Variants in BCR observed in about 807,000 individuals in gnomAD.
BCR encodes BCR activator of RhoGEF and GTPase, also known as breakpoint cluster region protein.
Under a neutral mutation model 138.6 loss-of-function variants are expected in BCR, and 58 were observed. The observed-to-expected ratio is 0.42, with a 90% confidence interval of 0.34 to 0.52. The LOEUF (loss-of-function observed/expected upper bound fraction) is 0.52. Ranked by LOEUF, BCR falls within the 20% of genes least tolerant of loss-of-function variation. BCR has a pLI of 0.06. For synonymous variants in BCR, 786 were observed against 730.1 expected, an observed-to-expected ratio of 1.08 and a Z score of -1.23; for missense variants, 1,599 against 1,727.2, an observed-to-expected ratio of 0.93 and a Z score of 1.32.
intron 1 of BCR, among the ~76,000 whole-genome samples, chr22:23,201,681 T>A (rs953733265): frequency 4.6e-5 from 7 of 152,166 alleles, no homozygotes; most frequent in African/African-American, 1.7e-4. Flanking sequence ...GGTCTCGATC[T>A]CCTGACCTTG....
chr22:23,272,274 T>C (rs938432817), intron 6 of BCR, among the ~76,000 whole-genome samples: 1 of 152,192 alleles, frequency 6.6e-6, no homozygotes, highest in Non-Finnish European at 1.5e-5. Context: ...TTTTCAGTTG[T>C]TAGGGTGTTG....
At chr22:23,279,679 A>G (rs966446811) in intron 8 of BCR, among the ~76,000 whole-genome samples, 1 of 152,198 alleles carries the variant, frequency 6.6e-6, no homozygotes, top group African/African-American at 2.4e-5. Flanking sequence ...TTCTTTGGCA[A>G]CTTTTCCTTG....
rs138836281 is a variant in BCR at position 23,276,111 on chromosome 22, T to G, written c.2115+2337T>G. On this transcript the variant is annotated intron_variant, in intron 8 of 22. Transcript: ENST00000305877. ...GGAGGAAGTGTAATTTAAGAAGGGC[T>G]GGGTGCGGCTGGGCGCGGTGGCTCA... Among the ~76,000 whole-genome samples the G allele has an allele frequency of 2.0e-3, 298 of 152,248 alleles. 3 individuals are homozygous for G. In the East Asian group the frequency reaches 0.026, roughly 13 times the overall value.
chr22:23,292,674 G>C (rs1055732751), intron 15 of BCR, 36 bp downstream of exon 15: 2 of 1,548,382 alleles, frequency 1.3e-6, no homozygotes, highest in Non-Finnish European at 1.8e-6. Context: ...CAGCCTGCCA[G>C]GTGGGGCACA....
At chr22:23,277,984 A>G (rs1300901836) in intron 8 of BCR, among the ~76,000 whole-genome samples, 1 of 152,232 alleles carries the variant, frequency 6.6e-6, no homozygotes, top group African/African-American at 2.4e-5. Flanking sequence ...CCAAAATGAC[A>G]GGATCAAAGG....
chr22:23,283,082 C>T (rs1009693775), intron 8 of BCR: 1 of 152,258 alleles, frequency 6.6e-6, no homozygotes, highest in African/African-American at 2.4e-5. Context: ...CTTGCTGCGA[C>T]AGCCTCTCCT....
intron 15 of BCR, among the ~76,000 whole-genome samples, 170 bp from the exon 16 acceptor site, chr22:23,294,854 G>A (rs1296494473): frequency 6.6e-6 from 1 of 152,202 alleles, no homozygotes; most frequent in Non-Finnish European, 1.5e-5. Context: ...TGCCAGGGGT[G>A]CTTACAAGGA....
intron 1 of BCR, among the ~76,000 whole-genome samples, chr22:23,208,891 A>G (rs2072648185): frequency 6.6e-6 from 1 of 152,000 alleles, no homozygotes; most frequent in African/African-American, 2.4e-5. Context: ...CTCATTAAAT[A>G]TAGGCTTTCC....
At chr22:23,251,679 A>G (rs1471726941) in intron 1 of BCR, among the ~76,000 whole-genome samples, 1 of 152,236 alleles carries the variant, frequency 6.6e-6, no homozygotes, top group Admixed American at 6.5e-5. Flanking sequence ...GTGTGGTGGC[A>G]GTTGTAAACT....
chr22:23,276,198 G>C (rs1439186067), intron 8 of BCR, among the ~76,000 whole-genome samples: 1 of 152,094 alleles, frequency 6.6e-6, no homozygotes, highest in African/African-American at 2.4e-5. Flanking sequence ...AGAAGTTTGA[G>C]ACCATCCTGG....
Position 23,289,688 on chromosome 22 carries a change from T to G in BCR, c.2707+67T>G, listed in dbSNP as rs1419436855. The G allele has an allele frequency of 5.2e-6, 7 of 1,356,062 alleles. No individual in the cohort carries two copies. In the South Asian group the frequency reaches 8.4e-5, roughly 16 times the overall value. The allele number at this position is 1,356,062 out of a possible 1,614,324, so 84.0% of individuals were successfully genotyped here. A position where few individuals can be genotyped will look rare whatever the true frequency, so the allele number is the denominator to read the frequency against. Reference sequence around the variant, plus strand: ...GGCAGGCAGCTAGCCTGAAGGCTGATCCCCCCTTCCTGTTAGCACTTTTGA... The same window carrying G: ...GGCAGGCAGCTAGCCTGAAGGCTGAGCCCCCCTTCCTGTTAGCACTTTTGA... On this transcript the variant is annotated intron_variant, in intron 13 of 22. Coordinates refer to ENST00000305877, the MANE Select transcript of BCR (RefSeq NM_004327.4).
chr22:23,198,419 G>T (rs922398377), intron 1 of BCR: 2 of 437,416 alleles, frequency 4.6e-6, no homozygotes, highest in Admixed American at 3.0e-5. Context: ...GGGAAGGTTG[G>T]TGACCCCCAA....
At chr22:23,222,144 C>G (rs6003574) in intron 1 of BCR, among the ~76,000 whole-genome samples, 5,036 of 152,126 alleles carry the variant, frequency 0.033, 275 homozygotes, top group African/African-American at 0.11. Context: ...TCTCACCTGT[C>G]ACTCCTCTTG....
chr22:23,311,960 G>A (rs1460372979), intron 19 of BCR, 124 bp downstream of exon 19: 2 of 1,453,174 alleles, frequency 1.4e-6, no homozygotes, highest in Non-Finnish European at 9.2e-7. Flanking sequence ...CATTTACTGT[G>A]TTATTATTTT....
At chr22:23,230,547 G>A (rs1005421281) in intron 1 of BCR, among the ~76,000 whole-genome samples, 11 of 152,188 alleles carry the variant, frequency 7.2e-5, no homozygotes, top group African/African-American at 2.7e-4. Context: ...GTTTTTTCCA[G>A]GCAAAGCACC....
At chr22:23,270,525 C>T (rs1025863238) in intron 5 of BCR, among the ~76,000 whole-genome samples, 22 of 152,170 alleles carry the variant, frequency 1.4e-4, no homozygotes, top group Non-Finnish European at 2.9e-4. Context: ...CCCCTTACAC[C>T]CTTTGGGAAC....
intron 1 of BCR, among the ~76,000 whole-genome samples, chr22:23,240,531 G>T (rs1033180479): frequency 5.3e-5 from 8 of 151,984 alleles, no homozygotes; most frequent in Middle Eastern, 3.4e-3. Flanking sequence ...GGCGCCTGTA[G>T]TTCCAGCTAA....
intron 1 of BCR, among the ~76,000 whole-genome samples, chr22:23,186,019 C>T (rs1396445270): frequency 1.3e-5 from 2 of 148,758 alleles, no homozygotes; most frequent in Admixed American, 6.7e-5. Context: ...GTGAGCCACC[C>T]GCGCAAGGCG....
At chr22:23,209,553 TA>T (rs1243475284) in intron 1 of BCR, among the ~76,000 whole-genome samples, 1 of 151,930 alleles carries the variant, frequency 6.6e-6, no homozygotes. Flanking sequence ...ATTTTTATTT[TA>T]TTTTTTTGAG....
Sources: allele counts gnomAD v4.1 joint callset (sites outside exome capture counted in the v4.1 genomes callset), GRCh38; gene constraint gnomAD v4.1.1; transcripts MANE v1.5; gene names NCBI Gene and HGNC (gene_info 2026-07-23, HGNC 2026-07-21).